LOC128462377: variants seen among roughly 807,000 people sequenced by gnomAD.
the LOC128462377 span, among the ~76,000 whole-genome samples, chr16:89,381,511 T>C: frequency 6.6e-6 from 1 of 152,022 alleles, no homozygotes; most frequent in Non-Finnish European, 1.5e-5. Context: ...AAAAGCAAAA[T>C]GAGGGTAAGC....
chr16:89,411,519 TC>T, the LOC128462377 span, among the ~76,000 whole-genome samples: 3 of 152,270 alleles, frequency 2.0e-5, no homozygotes, highest in African/African-American at 7.2e-5. Context: ...GCTCAAGAGA[TC>T]CTCCTACCTC....
At chr16:89,375,624 T>C in the LOC128462377 span, among the ~76,000 whole-genome samples, 3 of 152,014 alleles carry the variant, frequency 2.0e-5, no homozygotes, top group African/African-American at 7.2e-5. Context: ...CAGTTAATTT[T>C]TAAATTTTTA....
chr16:89,377,950 C>T, the LOC128462377 span, among the ~76,000 whole-genome samples: 1 of 152,118 alleles, frequency 6.6e-6, no homozygotes. Flanking sequence ...GACCCACTTC[C>T]ACTTAATGAG....
the LOC128462377 span, among the ~76,000 whole-genome samples, chr16:89,348,202 G>A: frequency 1.3e-5 from 2 of 152,174 alleles, no homozygotes; most frequent in Admixed American, 1.3e-4. Context: ...AAAATGTTGG[G>A]ATTACAGGCA....
chr16:89,324,604 C>T, the LOC128462377 span: 9 of 437,050 alleles, frequency 2.1e-5, no homozygotes, highest in Admixed American at 4.9e-5. Flanking sequence ...GCTGCCAGCA[C>T]GGCAGATCTG....
the LOC128462377 span, among the ~76,000 whole-genome samples, chr16:89,401,047 G>A: frequency 6.6e-6 from 1 of 152,184 alleles, no homozygotes; most frequent in Non-Finnish European, 1.5e-5. Context: ...ACAACACGCT[G>A]GCCCTCAAGT....
At chr16:89,348,191 CA>C in the LOC128462377 span, among the ~76,000 whole-genome samples, 2 of 152,112 alleles carry the variant, frequency 1.3e-5, no homozygotes, top group African/African-American at 4.8e-5. Flanking sequence ...CTCAGCCTCC[CA>C]AAATGTTGGG....
At chr16:89,389,835 G>T in the LOC128462377 span, among the ~76,000 whole-genome samples, 3 of 142,204 alleles carry the variant, frequency 2.1e-5, no homozygotes, top group Non-Finnish European at 4.5e-5. Flanking sequence ...GGCAAACACC[G>T]AGTGTGGCGG....
chr16:89,365,216 GA>G, the LOC128462377 span, among the ~76,000 whole-genome samples: 1 of 152,162 alleles, frequency 6.6e-6, no homozygotes, highest in Non-Finnish European at 1.5e-5. Context: ...GTCAGAAGGG[GA>G]AGTTCCAGAG....
the LOC128462377 span, among the ~76,000 whole-genome samples, chr16:89,413,069 G>T: frequency 6.6e-6 from 1 of 152,162 alleles, no homozygotes; most frequent in African/African-American, 2.4e-5. Context: ...GCCTGGAGGG[G>T]GAGGGAGTAG....
chr16:89,411,106 G>A, the LOC128462377 span, among the ~76,000 whole-genome samples: 1 of 152,086 alleles, frequency 6.6e-6, no homozygotes, highest in Non-Finnish European at 1.5e-5. Context: ...TGCCTGCAGA[G>A]AGAAGGGTGG....
At chr16:89,374,610 A>C in the LOC128462377 span, among the ~76,000 whole-genome samples, 1 of 152,160 alleles carries the variant, frequency 6.6e-6, no homozygotes, top group South Asian at 2.1e-4. Context: ...ACCTCAGGAG[A>C]GCTGTGGGAA....
the LOC128462377 span, among the ~76,000 whole-genome samples, chr16:89,335,947 T>C: frequency 1.3e-5 from 2 of 152,220 alleles, no homozygotes; most frequent in African/African-American, 2.4e-5. Context: ...GCCGCAAACA[T>C]GACCGTGCAA....
chr16:89,331,108 C>G, the LOC128462377 span, among the ~76,000 whole-genome samples: 1 of 152,102 alleles, frequency 6.6e-6, no homozygotes, highest in Non-Finnish European at 1.5e-5. Context: ...TGCCTGCCAC[C>G]ATGCCCGGCT....
chr16:89,363,983 C>T, the LOC128462377 span, among the ~76,000 whole-genome samples: 1 of 152,064 alleles, frequency 6.6e-6, no homozygotes, highest in African/African-American at 2.4e-5. Context: ...CAGCTTGAGC[C>T]CGGGAGTTGG....
chr16:89,396,334 G>A, the LOC128462377 span, among the ~76,000 whole-genome samples: 1 of 152,120 alleles, frequency 6.6e-6, no homozygotes, highest in Non-Finnish European at 1.5e-5. Flanking sequence ...ACCTCCAGAT[G>A]TGGACACACA....
chr16:89,393,893 A>T, the LOC128462377 span, among the ~76,000 whole-genome samples: 1 of 152,206 alleles, frequency 6.6e-6, no homozygotes, highest in Non-Finnish European at 1.5e-5. Context: ...GTGTCAAAAA[A>T]CAAAAGCCAA....
chr16:89,318,536 T>C, the LOC128462377 span, among the ~76,000 whole-genome samples: 1 of 149,532 alleles, frequency 6.7e-6, no homozygotes, highest in African/African-American at 2.5e-5. Context: ...GCACGAAGTA[T>C]GGCTTTTGAA....
the LOC128462377 span, among the ~76,000 whole-genome samples, chr16:89,403,447 T>A: frequency 6.6e-6 from 1 of 152,040 alleles, no homozygotes; most frequent in Non-Finnish European, 1.5e-5. Flanking sequence ...CGAGGAAGTT[T>A]CTCAGTAAGC....
Sources: allele counts gnomAD v4.1 joint callset (sites outside exome capture counted in the v4.1 genomes callset), GRCh38; gene constraint gnomAD v4.1.1; transcripts MANE v1.5.